MCM9: variants seen among roughly 807,000 people sequenced by gnomAD.
The protein encoded by MCM9 is DNA helicase MCM9.
A neutral mutation model predicts 72.8 loss-of-function variants in MCM9; 55 were observed. The ratio of observed to expected loss-of-function variants is 0.76; its 90% CI spans 0.61 to 0.95. The LOEUF (loss-of-function observed/expected upper bound fraction) is 0.95, where lower values mean the gene tolerates loss of function less well. Among genes scored for constraint, MCM9 ranks in the 40% least tolerant of loss-of-function variants. The probability of loss-of-function intolerance (pLI) is 0.00; values close to 1 mark genes in which losing one functional copy is unlikely to be tolerated. For missense variants in MCM9, 1,279 were observed against 1,377.0 expected, an observed-to-expected ratio of 0.93 and a Z score of 1.13; for synonymous variants, 480 against 503.4, an observed-to-expected ratio of 0.95 and a Z score of 0.62.
intron 8 of MCM9, among the ~76,000 whole-genome samples, chr6:118,894,764 G>A (rs1779235996): frequency 6.6e-6 from 1 of 152,226 alleles, no homozygotes; most frequent in South Asian, 2.1e-4. Flanking sequence ...AGCGGAGGTA[G>A]CCATGTTGTC....
intron 9 of MCM9, among the ~76,000 whole-genome samples, chr6:118,844,586 CAG>C (rs1775729689): frequency 1.3e-5 from 2 of 151,280 alleles, no homozygotes; most frequent in South Asian, 4.2e-4. Context: ...TGGAAGAAAA[CAG>C]ATCACGTAAT....
At chr6:118,837,505 G>A (rs1192402090) in intron 9 of MCM9, among the ~76,000 whole-genome samples, 1 of 152,170 alleles carries the variant, frequency 6.6e-6, no homozygotes, top group East Asian at 1.9e-4. Flanking sequence ...GGGAGTCTAA[G>A]TGTTTCTGTA....
At chr6:118,857,116 T>A (rs974300413) in intron 8 of MCM9, among the ~76,000 whole-genome samples, 3 of 152,208 alleles carry the variant, frequency 2.0e-5, no homozygotes, top group African/African-American at 4.8e-5. Context: ...TCTCTCCTTG[T>A]AGGTCCTCTG....
intron 13 of MCM9, among the ~76,000 whole-genome samples, chr6:118,823,783 G>A (rs1773974203): frequency 6.6e-6 from 1 of 151,792 alleles, no homozygotes; most frequent in Non-Finnish European, 1.5e-5. Flanking sequence ...TATAATCATA[G>A]AAAATATAAG....
rs144811379 is a variant in MCM9, at chr6:118,835,520, T to C, written c.1326-6270A>G. Among the ~76,000 whole-genome samples, 81 of 152,326 alleles carry C rather than the reference T, an allele frequency of 5.3e-4. 1 individual carries two copies. In the East Asian group the frequency reaches 0.015, roughly 29 times the overall value. ...TTCCATTTGTTTCTGTCCTCTCTTA[T>C]TTCCTTGAGCAGTGGTTTGTAGTTC... On this transcript the variant is annotated intron_variant, in intron 9 of 13. Transcript: ENST00000619706.
chr6:118,830,075 C>A (rs571485893), intron 9 of MCM9, among the ~76,000 whole-genome samples: 10 of 152,068 alleles, frequency 6.6e-5, no homozygotes, highest in African/African-American at 2.4e-4. Flanking sequence ...CTAAATGGAG[C>A]GTGGCAGGAT....
Position 118,827,717 on chromosome 6 carries a change from C to T in MCM9, c.1732+210G>A, listed in dbSNP as rs548191617. On this transcript the variant is annotated intron_variant, in intron 11 of 13. Coordinates refer to ENST00000619706, the MANE Select transcript of MCM9 (RefSeq NM_017696.3). The stretch of plus-strand genomic sequence containing the variant: ...GTCCCGAGATGGCACAAAGATTCCT[C>T]TTTCTTAATGACACCACATTCCAGT... 8.5e-5 allele frequency among the ~76,000 whole-genome samples: 13 copies of T among 152,116 alleles called. No homozygotes were observed. The South Asian group carries it at 2.7e-3, about 32-fold the overall frequency.
chr6:118,901,171 C>T, intron 8 of MCM9: 2 of 227,554 alleles, frequency 8.8e-6, no homozygotes, highest in Non-Finnish European at 1.7e-5. Flanking sequence ...GAATTTGGGG[C>T]TCTTCCTGTG....
chr6:118,830,989 T>C (rs1215097498), intron 9 of MCM9, among the ~76,000 whole-genome samples: 2 of 152,316 alleles, frequency 1.3e-5, no homozygotes, highest in East Asian at 1.9e-4. Context: ...CCTGGAGATC[T>C]ATAGGGGATA....
chr6:118,894,561 G>A lies in MCM9; in HGVS notation c.1150+17089C>T, dbSNP rs1018896686. On this transcript the variant is annotated intron_variant, in intron 8 of 13. Transcript: ENST00000619706. ...CCGTGCGCCCGGGCTGTCAGTTGCG[G>A]GCTGCAGACGTTGAAAGTTTCCCGG... 2.0e-6 allele frequency: 3 copies of A among 1,485,836 alleles called. No homozygotes were observed. In the African/African-American group the frequency reaches 4.2e-5, roughly 21 times the overall value. 92.0% of individuals were successfully genotyped at this position (1,485,836 alleles called of 1,614,324 possible).
chr6:118,883,293 A>G (rs1041292937), intron 8 of MCM9, among the ~76,000 whole-genome samples: 2 of 152,070 alleles, frequency 1.3e-5, no homozygotes, highest in Non-Finnish European at 2.9e-5. Context: ...AATCCAAAGA[A>G]CAGAGGTAAA....
intron 8 of MCM9, among the ~76,000 whole-genome samples, chr6:118,867,238 G>A (rs1777271928): frequency 6.6e-6 from 1 of 152,166 alleles, no homozygotes; most frequent in Non-Finnish European, 1.5e-5. Flanking sequence ...ACATAAGAGA[G>A]TATAGTCATG....
At chr6:118,901,701 G>T (rs1779806884) in intron 8 of MCM9, among the ~76,000 whole-genome samples, 1 of 152,170 alleles carries the variant, frequency 6.6e-6, no homozygotes, top group African/African-American at 2.4e-5. Context: ...GTTTGTAATA[G>T]ACCAAAGAGT....
At chr6:118,890,996 T>A (rs1583557986) in intron 8 of MCM9, among the ~76,000 whole-genome samples, 1 of 152,208 alleles carries the variant, frequency 6.6e-6, no homozygotes, top group Non-Finnish European at 1.5e-5. Context: ...TCAATTTAAT[T>A]CCTAGTTCTA....
Position 118,856,376 on chromosome 6 carries a change from C to T in MCM9, c.1320G>A (p.Lys440=), listed in dbSNP as rs2114682904. Residue 440 remains lysine, a synonymous_variant, in exon 9 of 14, where the codon AAG becomes AAA. Coordinates refer to ENST00000619706, the MANE Select transcript of MCM9 (RefSeq NM_017696.3). Reference sequence around the variant, plus strand: ...GATTTTAAAGAAACTCTTACCCAGCCTTAGCAACACTTATGGTTTGTTGCT... The same window carrying T: ...GATTTTAAAGAAACTCTTACCCAGCTTTAGCAACACTTATGGTTTGTTGCT... ...AMEQQTISVA[K]AGLVCKLNTR... is the part of the protein sequence containing the mutation. 1 of 1,532,892 alleles carries T rather than the reference C, an allele frequency of 6.5e-7. No individual in the cohort carries two copies. Among genetic ancestry groups the T allele is most frequent in the South Asian group, 1.2e-5 (1 of 83,238 alleles). The allele number at this position is 1,532,892 out of a possible 1,614,324, so 95.0% of individuals were successfully genotyped here.
intron 8 of MCM9, among the ~76,000 whole-genome samples, chr6:118,903,896 A>AT (rs1179047576): frequency 6.6e-6 from 1 of 152,282 alleles, no homozygotes; most frequent in African/African-American, 2.4e-5. Flanking sequence ...GCGTGAAAAG[A>AT]TTATCACCAC....
intron 8 of MCM9, among the ~76,000 whole-genome samples, chr6:118,874,823 A>G (rs1293836027): frequency 1.3e-5 from 2 of 152,234 alleles, no homozygotes; most frequent in African/African-American, 4.8e-5. Context: ...TACATTACCT[A>G]TTACCATTGG....
At chr6:118,863,858 CCTTT>C (rs893542729) in intron 8 of MCM9, among the ~76,000 whole-genome samples, 2 of 152,010 alleles carry the variant, frequency 1.3e-5, no homozygotes, top group African/African-American at 4.8e-5. Context: ...GAAATAAATC[CCTTT>C]TTTTTATAAA....
intron 8 of MCM9, among the ~76,000 whole-genome samples, chr6:118,873,034 T>C (rs1462298494): frequency 1.3e-5 from 2 of 151,732 alleles, no homozygotes; most frequent in East Asian, 3.9e-4. Context: ...TAGTCAGGTA[T>C]GGTGGCACAC....
Sources: allele counts gnomAD v4.1 joint callset (sites outside exome capture counted in the v4.1 genomes callset), GRCh38; gene constraint gnomAD v4.1.1; transcripts MANE v1.5; gene names NCBI Gene and HGNC (gene_info 2026-07-23, HGNC 2026-07-21).